The following MYH11 variants were observed in gnomAD, a reference collection of about 807,000 sequenced individuals.
The protein encoded by MYH11 is myosin-11.
Under a neutral mutation model 246.6 loss-of-function variants are expected in MYH11, and 80 were observed. The ratio of observed to expected loss-of-function variants is 0.32; its 90% CI spans 0.27 to 0.39. The LOEUF (loss-of-function observed/expected upper bound fraction) is 0.39, where lower values mean the gene tolerates loss of function less well. Among genes scored for constraint, MYH11 ranks in the 10% least tolerant of loss-of-function variants. The pLI is 1.00. For missense variants in MYH11, 2,158 were observed against 2,546.8 expected (o/e 0.85, Z 3.29); for synonymous variants, 1,071 against 1,015.5 (o/e 1.05, Z -1.04).
chr16:15,730,975 TGAC>T (rs1201004330), intron 27 of MYH11, among the ~76,000 whole-genome samples: 2 of 152,024 alleles, frequency 1.3e-5, no homozygotes, highest in East Asian at 3.9e-4. Flanking sequence ...AATCAAATAA[TGAC>T]AAGTTTCCTC....
chr16:15,748,122 T>C lies in MYH11; in HGVS notation c.2105A>G (p.Asn702Ser), dbSNP rs777138026. Residue 702 changes from asparagine (N) to serine (S), a missense_variant, in exon 17 of 41, where the codon AAT (asparagine) becomes AGT (serine). Transcript: ENST00000300036. ...AFLVLEQLRCNGVLEGIRICR... is the reference protein window; with the variant it reads ...AFLVLEQLRCSGVLEGIRICR... ...GATGCGAATGCCTTCCAGCACCCCATTGCACCGCAGCTGCTCCAGCACCAG... is the reference window on the plus strand; with the variant it reads ...GATGCGAATGCCTTCCAGCACCCCACTGCACCGCAGCTGCTCCAGCACCAG... 6.2e-7 allele frequency: 1 copy of C among 1,614,022 alleles called. No homozygotes were observed. Among genetic ancestry groups the C allele is most frequent in the Non-Finnish European group, 8.5e-7 (1 of 1,180,006 alleles).
chr16:15,737,767 C>A, intron 24 of MYH11, 147 bp from the exon 25 acceptor site: 1 of 776,452 alleles, frequency 1.3e-6, no homozygotes, highest in Non-Finnish European at 2.1e-6. Context: ...CCATTATCTC[C>A]CGATGAACAG....
At chr16:15,727,253 T>C (rs1057032315) in intron 27 of MYH11, among the ~76,000 whole-genome samples, 199 bp from the exon 28 acceptor site, 12 of 151,740 alleles carry the variant, frequency 7.9e-5, no homozygotes, top group Non-Finnish European at 1.2e-4. Context: ...CAGGCTGGAG[T>C]GCCGTGGCAC....
At chr16:15,725,947 C>G in intron 28 of MYH11, 1 of 362,870 alleles carries the variant, frequency 2.8e-6, no homozygotes, top group South Asian at 1.5e-4. Flanking sequence ...CAACCCCACT[C>G]TGTACTATCT....
chr16:15,808,251 T>C (rs2043059762), intron 3 of MYH11, among the ~76,000 whole-genome samples: 1 of 152,158 alleles, frequency 6.6e-6, no homozygotes, highest in African/African-American at 2.4e-5. Context: ...GGCAGCTGAC[T>C]GCTAATGCCT....
intron 28 of MYH11, chr16:15,726,108 C>T: frequency 5.9e-6 from 1 of 168,692 alleles, no homozygotes; most frequent in Non-Finnish European, 1.3e-5. Flanking sequence ...TTCGTGGCTC[C>T]TCCTCCCCCA....
At chr16:15,743,109 G>A (rs1182594859) in intron 20 of MYH11, among the ~76,000 whole-genome samples, 2 of 151,600 alleles carry the variant, frequency 1.3e-5, no homozygotes, top group African/African-American at 4.9e-5. Context: ...ATTCAGCTAG[G>A]ACTGGACACT....
rs35008322 is a variant in MYH11, at chr16:15,772,087, CTTTTTTT to C, written c.890-382_890-376del. Among the ~76,000 whole-genome samples the C allele has an allele frequency of 3.2e-3, 337 of 105,966 alleles. 1 individual carries two copies. The highest frequency in any genetic ancestry group is 0.01 in the African/African-American group (314 of 29,958). 69.5% of individuals were successfully genotyped at this position (105,966 alleles called of 152,430 possible). The stretch of plus-strand genomic sequence containing the variant: ...CAGAAGAGTTAGATCAACCTTTACT[CTTTTTTT>C]TTTTTTTTTTTTTTTGAGACGGAGT... On this transcript the variant is annotated intron_variant, in intron 8 of 40. Coordinates refer to ENST00000300036, the MANE Select transcript of MYH11 (RefSeq NM_002474.3).
rs1567736003 is a variant in MYH11 at position 15,759,662 on chromosome 16, G to A, written c.1315C>T (p.Arg439Cys). 8 of 1,614,208 alleles carry A rather than the reference G, an allele frequency of 5.0e-6. No homozygotes were observed. Among genetic ancestry groups the A allele is most frequent in the African/African-American group, 1.3e-5 (1 of 75,040 alleles). The stretch of plus-strand genomic sequence containing the variant: ...GTCTTGTCCAGGGCTTTGTTCACGC[G>A]GGTGAGTATCCAGCGGAAAAGGCGC... ...YERLFRWILT[R>C]VNKALDKTHR... Residue 439 changes from arginine (R) to cysteine (C), a missense_variant, in exon 12 of 41, where the codon CGC becomes TGC. Physicochemically the swap from Arg to Cys is radical, Grantham distance 180. Coordinates refer to ENST00000300036, the MANE Select transcript of MYH11 (RefSeq NM_002474.3).
intron 1 of MYH11, among the ~76,000 whole-genome samples, chr16:15,850,160 G>T (rs769416056): frequency 6.6e-6 from 1 of 152,112 alleles, no homozygotes; most frequent in African/African-American, 2.4e-5. Flanking sequence ...CGAGGCAGGC[G>T]GATAACCTGA....
At chr16:15,824,501 G>C (rs2043507320) in intron 2 of MYH11, among the ~76,000 whole-genome samples, 1 of 152,188 alleles carries the variant, frequency 6.6e-6, no homozygotes, top group African/African-American at 2.4e-5. Flanking sequence ...GGCTGGTCTC[G>C]AACTCCTGAG....
chr16:15,754,308 G>A (rs1166698083), intron 14 of MYH11, among the ~76,000 whole-genome samples: 4 of 152,054 alleles, frequency 2.6e-5, no homozygotes, highest in Non-Finnish European at 4.4e-5. Context: ...CCTGATATAT[G>A]GATATACAGA....
intron 1 of MYH11, among the ~76,000 whole-genome samples, chr16:15,844,388 G>A (rs62031674): frequency 0.015 from 2,301 of 152,236 alleles, 25 homozygotes; most frequent in Middle Eastern, 0.024. Flanking sequence ...AGTAGAGACG[G>A]GGTTTCACCA....
intron 26 of MYH11, among the ~76,000 whole-genome samples, chr16:15,734,449 G>A (rs1252363749): frequency 2.0e-5 from 3 of 152,150 alleles, no homozygotes; most frequent in Admixed American, 2.0e-4. Flanking sequence ...ACAGGCATGC[G>A]CCACCACGCC....
At chr16:15,851,773 G>A (rs1202521533) in intron 1 of MYH11, among the ~76,000 whole-genome samples, 1 of 152,122 alleles carries the variant, frequency 6.6e-6, no homozygotes, top group Non-Finnish European at 1.5e-5. Flanking sequence ...CCAGAAAGAA[G>A]TTCTCTTAAT....
At chr16:15,728,492 C>A (rs758099476) in intron 27 of MYH11, among the ~76,000 whole-genome samples, 4 of 152,182 alleles carry the variant, frequency 2.6e-5, no homozygotes, top group Non-Finnish European at 5.9e-5. Context: ...CTTTCACCGC[C>A]CCCGTCCTTC....
chr16:15,773,984 G>A (rs1342316978), intron 8 of MYH11, among the ~76,000 whole-genome samples: 1 of 151,900 alleles, frequency 6.6e-6, no homozygotes, highest in Admixed American at 6.6e-5. Flanking sequence ...ATACATCAAG[G>A]ATCCTCTTCC....
chr16:15,722,452 A>G (rs1485752290), intron 31 of MYH11, among the ~76,000 whole-genome samples: 1 of 152,216 alleles, frequency 6.6e-6, no homozygotes, highest in African/African-American at 2.4e-5. Context: ...TCCAAAAGCC[A>G]AACTTCCAGT....
chr16:15,721,439 C>T lies in MYH11; in HGVS notation c.4561G>A (p.Asp1521Asn), dbSNP rs794728679. The T allele has an allele frequency of 6.2e-7, 1 of 1,614,196 alleles. No homozygotes were observed. The highest frequency in any genetic ancestry group is 8.5e-7 in the Non-Finnish European group (1 of 1,180,046). ...AEMEDLVSSK[D>N]DVGKNVHELE... is the part of the protein sequence containing the mutation. ...CCACTTACGTTCTTGCCCACGTCAT[C>T]CTTGGAGCTGACCAGGTCTTCCATT... Residue 1521 changes from aspartate to asparagine, a missense_variant, in exon 32 of 41, where the codon GAT becomes AAT. This residue lies in a region of MYH11 where 1,013 missense variants were observed against 993.5 expected (regional missense o/e 1.02). Transcript: ENST00000300036.
Sources: allele counts gnomAD v4.1 joint callset (sites outside exome capture counted in the v4.1 genomes callset), GRCh38; gene constraint gnomAD v4.1.1; regional missense constraint gnomAD v4.1.1; transcripts MANE v1.5; gene names NCBI Gene and HGNC (gene_info 2026-07-23, HGNC 2026-07-21).